The following TRIM44 variants were observed in gnomAD, a reference collection of about 807,000 sequenced individuals.
TRIM44 encodes the protein tripartite motif-containing protein 44.
TRIM44 carries 13 observed loss-of-function variants against 37.4 expected under a neutral mutation model. The observed-to-expected ratio is 0.35, with a 90% CI of 0.23 to 0.55. TRIM44 has a LOEUF of 0.55. Among genes scored for constraint, TRIM44 ranks in the 20% least tolerant of loss-of-function variants. The pLI is 0.89. For synonymous variants in TRIM44, 175 were observed against 157.2 expected, an observed-to-expected ratio of 1.11 and a Z score of -0.85; for missense variants, 426 against 437.2, an observed-to-expected ratio of 0.97 and a Z score of 0.23.
At chr11:35,764,210 C>A (rs1852763852) in intron 4 of TRIM44, among the ~76,000 whole-genome samples, 1 of 152,188 alleles carries the variant, frequency 6.6e-6, no homozygotes, top group African/African-American at 2.4e-5. Context: ...AATGTGTTAA[C>A]AACTCCTGCT....
At chr11:35,725,766 A>G (rs578065859) in intron 2 of TRIM44, among the ~76,000 whole-genome samples, 158 bp from the exon 3 acceptor site, 18 of 152,284 alleles carry the variant, frequency 1.2e-4, no homozygotes, top group African/African-American at 3.1e-4. Flanking sequence ...AAATTCATCA[A>G]TGATATTAGG....
chr11:35,781,928 A>G (rs950357589), intron 4 of TRIM44, among the ~76,000 whole-genome samples: 2 of 152,354 alleles, frequency 1.3e-5, no homozygotes, highest in African/African-American at 4.8e-5. Context: ...TGATAAGGCC[A>G]CATAGGCTAT....
chr11:35,691,129 A>C (rs1851632078), intron 2 of TRIM44, among the ~76,000 whole-genome samples: 1 of 152,244 alleles, frequency 6.6e-6, no homozygotes, highest in African/African-American at 2.4e-5. Context: ...ATGGCAAAAA[A>C]GCCATAACCC....
intron 4 of TRIM44, among the ~76,000 whole-genome samples, chr11:35,767,948 A>G (rs987184403): frequency 3.3e-5 from 5 of 152,204 alleles, no homozygotes; most frequent in African/African-American, 7.2e-5. Context: ...AATTTTAATC[A>G]GAAGGTTAGG....
At chr11:35,762,779 G>A (rs1256312370) in intron 4 of TRIM44, among the ~76,000 whole-genome samples, 2 of 152,142 alleles carry the variant, frequency 1.3e-5, no homozygotes, top group Non-Finnish European at 2.9e-5. Flanking sequence ...TTTACCACCT[G>A]CTAGCTATAT....
rs1476789548 is a variant in TRIM44, at chr11:35,663,189, T to C, written c.78T>C (p.Ala26=). 5 of 1,587,044 alleles carry C rather than the reference T, an allele frequency of 3.2e-6. No individual in the cohort carries two copies. Among genetic ancestry groups the C allele is most frequent in the Non-Finnish European group, 4.3e-6 (5 of 1,166,456 alleles). The change falls in exon 1 of 5, where the codon GCT becomes GCC. Residue 26 remains alanine (A), a synonymous_variant. Transcript: ENST00000299413. Reference sequence around the variant, plus strand: ...GTGACGAGTGCGAGCCCGACGAGGCTCCGGGGGCCGAGGAAGTGTGCCGAG... The same window carrying C: ...GTGACGAGTGCGAGCCCGACGAGGCCCCGGGGGCCGAGGAAGTGTGCCGAG... The part of the protein sequence containing the change: ...GTCDECEPDE[A]PGAEEVCREC...
At chr11:35,745,288 T>C (rs1009338751) in intron 4 of TRIM44, among the ~76,000 whole-genome samples, 1 of 152,222 alleles carries the variant, frequency 6.6e-6, no homozygotes, top group African/African-American at 2.4e-5. Context: ...ATCAGTGATA[T>C]TGAGCTTTTT....
At chr11:35,700,410 A>T (rs1344302426) in intron 2 of TRIM44, among the ~76,000 whole-genome samples, 1 of 152,224 alleles carries the variant, frequency 6.6e-6, no homozygotes, top group Non-Finnish European at 1.5e-5. Context: ...AACAAGGCAA[A>T]AATTTACATT....
chr11:35,813,703 A>G lies in TRIM44; in HGVS notation c.*7318A>G, dbSNP rs1023719262. On this transcript the variant is annotated 3_prime_UTR_variant, in exon 5 of 5. Transcript: ENST00000299413. ...AAAATGATGACCCTGTGCACCATAC[A>G]TAAAAAAACTATGCTTAGAAGACAA... is the stretch of plus-strand genomic sequence containing the variant. 6.6e-6 allele frequency: 1 copy of G among 152,184 alleles called. No homozygotes were observed. The highest frequency in any genetic ancestry group is 1.5e-5 in the Non-Finnish European group (1 of 68,024). 9.4% of individuals were successfully genotyped at this position (152,184 alleles called of 1,614,324 possible).
chr11:35,732,229 C>A (rs1490867574), intron 3 of TRIM44, among the ~76,000 whole-genome samples: 1 of 152,084 alleles, frequency 6.6e-6, no homozygotes, highest in African/African-American at 2.4e-5. Flanking sequence ...TATAAACAGC[C>A]TTGTTTGATT....
chr11:35,694,786 C>G (rs1279546366), intron 2 of TRIM44, among the ~76,000 whole-genome samples: 5 of 151,922 alleles, frequency 3.3e-5, no homozygotes, highest in African/African-American at 1.2e-4. Flanking sequence ...TTCAGGGTTC[C>G]AAAGTTTTGC....
intron 4 of TRIM44, among the ~76,000 whole-genome samples, chr11:35,774,179 T>C (rs1453479832): frequency 2.0e-5 from 3 of 152,222 alleles, no homozygotes; most frequent in Non-Finnish European, 4.4e-5. Flanking sequence ...TGGTGTGAGA[T>C]GGTATCTCAT....
Position 35,808,174 on chromosome 11 carries a change from C to A in TRIM44, c.*1789C>A, listed in dbSNP as rs1853478882. ...GATTGTCCTGACTCACTAAAGATGC[C>A]AGGATATTGGGGCTGAGGGGAGTTT... On this transcript the variant is annotated 3_prime_UTR_variant, in exon 5 of 5. Coordinates refer to ENST00000299413, the MANE Select transcript of TRIM44 (RefSeq NM_017583.6). 8.1e-6 allele frequency: 1 copy of A among 124,150 alleles called. No individual in the cohort carries two copies. The allele number at this position is 124,150 out of a possible 1,614,324, so 7.7% of individuals were successfully genotyped here. A position where few individuals can be genotyped will look rare whatever the true frequency, so the allele number is the denominator to read the frequency against.
chr11:35,772,496 C>T (rs531007294), intron 4 of TRIM44, among the ~76,000 whole-genome samples: 3 of 152,356 alleles, frequency 2.0e-5, no homozygotes, highest in African/African-American at 4.8e-5. Context: ...GCCACAAGGG[C>T]AGAGCTGCCC....
At chr11:35,799,309 C>G (rs1454991897) in intron 4 of TRIM44, among the ~76,000 whole-genome samples, 1 of 152,204 alleles carries the variant, frequency 6.6e-6, no homozygotes, top group African/African-American at 2.4e-5. Flanking sequence ...AAACTTGGCA[C>G]TGTGGTCAGA....
chr11:35,685,998 G>A (rs1851572983), intron 2 of TRIM44, among the ~76,000 whole-genome samples: 1 of 152,162 alleles, frequency 6.6e-6, no homozygotes, highest in Non-Finnish European at 1.5e-5. Context: ...GGACTGGCAT[G>A]GGATCCAGAC....
At chr11:35,713,653 C>T (rs1433976212) in intron 2 of TRIM44, among the ~76,000 whole-genome samples, 1 of 151,992 alleles carries the variant, frequency 6.6e-6, no homozygotes, top group Non-Finnish European at 1.5e-5. Flanking sequence ...AGATAAGAAA[C>T]AGTGGAAGAT....
intron 4 of TRIM44, among the ~76,000 whole-genome samples, chr11:35,764,482 A>G (rs1343371832): frequency 6.6e-6 from 1 of 152,150 alleles, no homozygotes; most frequent in African/African-American, 2.4e-5. Flanking sequence ...TCAGCACTGT[A>G]CTTTATTAGT....
chr11:35,725,137 ATAG>A (rs1852158005), intron 2 of TRIM44, among the ~76,000 whole-genome samples: 1 of 152,010 alleles, frequency 6.6e-6, no homozygotes, highest in African/African-American at 2.4e-5. Context: ...GATAGTAAAA[ATAG>A]TAGAATGAAG....
Sources: gnomAD v4.1 joint callset for allele counts (sites outside exome capture counted in the v4.1 genomes callset) on GRCh38, gnomAD v4.1.1 for gene constraint, MANE v1.5 for transcripts, NCBI Gene and HGNC (gene_info 2026-07-23, HGNC 2026-07-21) for gene names.